ATP6V1D: variants seen among roughly 807,000 people sequenced by gnomAD.
ATP6V1D encodes V-type proton ATPase subunit D.
A neutral mutation model predicts 39.4 loss-of-function variants in ATP6V1D; 20 were observed. The ratio of observed to expected loss-of-function variants is 0.51; its 90% CI spans 0.36 to 0.74. The LOEUF is 0.74. Among genes scored for constraint, ATP6V1D ranks in the 30% least tolerant of loss-of-function variants. ATP6V1D has a pLI of 0.00. For missense variants in ATP6V1D, 228 were observed against 291.6 expected, an observed-to-expected ratio of 0.78 and a Z score of 1.59; for synonymous variants, 100 against 100.5, an observed-to-expected ratio of 0.99 and a Z score of 0.03.
chr14:67,343,966 C>T (rs1458249732), intron 6 of ATP6V1D, among the ~76,000 whole-genome samples: 1 of 152,182 alleles, frequency 6.6e-6, no homozygotes, highest in East Asian at 1.9e-4. Flanking sequence ...AATTAACCTG[C>T]CTGGGCAGAT....
chr14:67,349,638 C>T (rs148766826), intron 3 of ATP6V1D, among the ~76,000 whole-genome samples: 18 of 152,294 alleles, frequency 1.2e-4, no homozygotes, highest in African/African-American at 3.8e-4. Flanking sequence ...AGTTCAAAAC[C>T]AGCCTGGGCA....
intron 1 of ATP6V1D, among the ~76,000 whole-genome samples, chr14:67,354,582 T>C (rs928010409): frequency 6.6e-6 from 1 of 152,144 alleles, no homozygotes; most frequent in Admixed American, 6.5e-5. Context: ...ACATCAGAGT[T>C]CACCTATGAT....
chr14:67,353,099 A>G (rs527576420), intron 1 of ATP6V1D, 59 bp from the exon 2 acceptor site: 9 of 1,291,430 alleles, frequency 7.0e-6, no homozygotes, highest in Non-Finnish European at 9.8e-6. Context: ...GACAAAAAAA[A>G]CCCTCCCCAC....
Position 67,343,388 on chromosome 14 carries a change from T to C in ATP6V1D, c.507A>G (p.Val169=). The C allele has an allele frequency of 6.2e-7, 1 of 1,612,376 alleles. No homozygotes were observed. Residue 169 remains valine (V), a synonymous_variant, in exon 7 of 9, where the codon GTA becomes GTG. Coordinates refer to ENST00000216442, the MANE Select transcript of ATP6V1D (RefSeq NM_015994.4). ...DEAIKITNRR[V]NAIEHVIIPR... ...AATACTCACCATGTTCAATGGCATT[T>C]ACACGCCTGTTGGTTATCTTAATAG...
intron 1 of ATP6V1D, among the ~76,000 whole-genome samples, chr14:67,357,272 CTTT>C (rs1405963659): frequency 6.6e-6 from 1 of 152,228 alleles, no homozygotes; most frequent in Non-Finnish European, 1.5e-5. Flanking sequence ...TAGCCTATGG[CTTT>C]TAAAACTTGC....
In ATP6V1D at chr14:67,349,053, C is replaced by A; in HGVS notation, c.291G>T (p.Lys97Asn). The change falls in exon 4 of 9, where the codon AAG (lysine) becomes AAT (asparagine). Residue 97 changes from lysine (K) to asparagine (N), a missense_variant. Transcript: ENST00000216442. Reference protein sequence around the residue: ...VNKAQVKIRAKKDNVAGVTLP... With the variant: ...VNKAQVKIRANKDNVAGVTLP... ...AAACGTTACCTGCTACATTATCTTT[C>A]TTCGCTCGAATCTTCACTTGCGCTT... 1 of 1,614,090 alleles carries A rather than the reference C, an allele frequency of 6.2e-7. No individual in the cohort carries two copies. Among genetic ancestry groups the A allele is most frequent in the Non-Finnish European group, 8.5e-7 (1 of 1,179,972 alleles).
At position 67,352,848 on chromosome 14, in the gene ATP6V1D, AAC is replaced by A; in HGVS notation, c.159+73_159+74del. On this transcript the variant is annotated intron_variant, in intron 2 of 8. Coordinates refer to ENST00000216442, the MANE Select transcript of ATP6V1D (RefSeq NM_015994.4). ...GAAAAAAATTAATTAAAATAACAAC[AAC>A]AAAAAAAAAAATGCCAAGGGCCATG... 1.4e-5 allele frequency: 12 copies of A among 838,872 alleles called. No individual in the cohort carries two copies. In the African/African-American group the frequency reaches 1.5e-4, roughly 11 times the overall value. The allele number at this position is 838,872 out of a possible 1,614,324, so 52.0% of individuals were successfully genotyped here. A position where few individuals can be genotyped will look rare whatever the true frequency, so the allele number is the denominator to read the frequency against.
rs1410236605 is a variant in ATP6V1D, at chr14:67,350,595, C to T, written c.239+16G>A. The stretch of plus-strand genomic sequence containing the variant: ...CACTTTGTTTTGCTTCAAAACACCC[C>T]GTTTAGTCCCCTTACCTGAAGTCAC... On this transcript the variant is annotated intron_variant, in intron 3 of 8. Transcript: ENST00000216442. 8 of 1,603,210 alleles carry T rather than the reference C, an allele frequency of 5.0e-6. No homozygotes were observed. Among genetic ancestry groups the T allele is most frequent in the East Asian group, 2.2e-5 (1 of 44,558 alleles).
At chr14:67,338,811 A>C (rs1441446974) in intron 8 of ATP6V1D, 49 bp from the exon 9 acceptor site, 1 of 1,519,002 alleles carries the variant, frequency 6.6e-7, no homozygotes, top group Non-Finnish European at 9.0e-7. Flanking sequence ...TTTCAATATT[A>C]AGTAGATTTG....
At position 67,341,514 on chromosome 14, in the gene ATP6V1D, G is replaced by C. The variant is rs543027228; in HGVS notation, c.524-996C>G. On this transcript the variant is annotated intron_variant, in intron 7 of 8. Transcript: ENST00000216442. ...GCCGCCCCGTCCGGGAGGGAGGTGG[G>C]GGGGGTCAGCCCCCCGCCTGGCCAG... Among the ~76,000 whole-genome samples the C allele has an allele frequency of 1.2e-4, 18 of 151,442 alleles. No homozygotes were observed. In the East Asian group the frequency reaches 2.2e-3, roughly 18 times the overall value.
intron 1 of ATP6V1D, among the ~76,000 whole-genome samples, chr14:67,356,415 T>A (rs2085685038): frequency 7.0e-6 from 1 of 143,296 alleles, no homozygotes; most frequent in Non-Finnish European, 1.5e-5. Flanking sequence ...AGGGAAAACC[T>A]GCCTCAAAAA....
chr14:67,351,502 T>A (rs1447299244), intron 2 of ATP6V1D, among the ~76,000 whole-genome samples: 3 of 152,196 alleles, frequency 2.0e-5, no homozygotes, highest in African/African-American at 7.2e-5. Flanking sequence ...AAAACATTTT[T>A]AACTTTTTAT....
intron 4 of ATP6V1D, 110 bp downstream of exon 4, chr14:67,348,927 C>G: frequency 9.8e-7 from 1 of 1,020,732 alleles, no homozygotes; most frequent in Non-Finnish European, 1.5e-6. Flanking sequence ...TCAACTTGTT[C>G]TAAGTAGAAG....
intron 1 of ATP6V1D, among the ~76,000 whole-genome samples, chr14:67,357,307 G>A (rs1011830678): frequency 6.6e-6 from 1 of 152,216 alleles, no homozygotes; most frequent in African/African-American, 2.4e-5. Flanking sequence ...TTTCAGAGCT[G>A]CTCAGTCCTA....
chr14:67,353,053 A>T lies in ATP6V1D; in HGVS notation c.42-13T>A. On this transcript the variant is annotated splice_polypyrimidine_tract_variant and intron_variant, in intron 1 of 8. Coordinates refer to ENST00000216442, the MANE Select transcript of ATP6V1D (RefSeq NM_015994.4). ...GATGGTCTGTGCCCTATATAAACAT[A>T]AACAAAGTTAAGACATCTATTCTCA... 1 of 1,579,244 alleles carries T rather than the reference A, an allele frequency of 6.3e-7. No individual in the cohort carries two copies. Among genetic ancestry groups the T allele is most frequent in the Non-Finnish European group, 8.6e-7 (1 of 1,158,598 alleles).
rs201002082 is a variant in ATP6V1D at position 67,359,640 on chromosome 14, T to C, written c.41+18A>G. ...TTCCTAAACCTGTGAAAGCGGCTTA[T>C]CCCATTCCTTTACTTACATTCGCGA... On this transcript the variant is annotated intron_variant, in intron 1 of 8. Transcript: ENST00000216442. The C allele has an allele frequency of 2.7e-5, 44 of 1,613,982 alleles. No individual in the cohort carries two copies. In the East Asian group the frequency reaches 9.6e-4, roughly 35 times the overall value.
chr14:67,353,636 T>TGC, intron 1 of ATP6V1D: 2 of 152,214 alleles, frequency 1.3e-5, no homozygotes, highest in Admixed American at 6.6e-5. Flanking sequence ...TACAGGCGTA[T>TGC]GCCACCAAGC....
chr14:67,339,697 C>CT (rs2085565173), intron 8 of ATP6V1D, among the ~76,000 whole-genome samples: 1 of 152,124 alleles, frequency 6.6e-6, no homozygotes, highest in African/African-American at 2.4e-5. Context: ...TGCTTTATAC[C>CT]TTCTCCTGAA....
rs2085554504 is a variant in ATP6V1D, at chr14:67,338,237, A to G, written c.*384T>C. 6.3e-6 allele frequency: 1 copy of G among 158,010 alleles called. No individual in the cohort carries two copies. The highest frequency in any genetic ancestry group is 2.4e-5 in the African/African-American group (1 of 41,686). 9.8% of individuals were successfully genotyped at this position (158,010 alleles called of 1,614,324 possible). On this transcript the variant is annotated 3_prime_UTR_variant, in exon 9 of 9. Transcript: ENST00000216442. ...AATGGCTGCAGCAATCTCAGACAACAGCGCCAAGGTTTGCAAGTGGGTAGG... is the reference window on the plus strand; with the variant it reads ...AATGGCTGCAGCAATCTCAGACAACGGCGCCAAGGTTTGCAAGTGGGTAGG...
Sources: allele counts gnomAD v4.1 joint callset (sites outside exome capture counted in the v4.1 genomes callset), GRCh38; gene constraint gnomAD v4.1.1; transcripts MANE v1.5; gene names NCBI Gene and HGNC (gene_info 2026-07-23, HGNC 2026-07-21).